NPFFR2: variants seen among roughly 807,000 people sequenced by gnomAD.
The protein encoded by NPFFR2 is G-protein coupled receptor 74.
A neutral mutation model predicts 13.1 loss-of-function variants in NPFFR2; 15 were observed. The observed-to-expected ratio is 1.15, with a 90% confidence interval of 0.77 to 1.76. The LOEUF (loss-of-function observed/expected upper bound fraction) is 1.76, where lower values mean the gene tolerates loss of function less well. Ranked by LOEUF, NPFFR2 falls within the 40% of genes most tolerant of loss-of-function variation. The pLI, the probability that NPFFR2 is intolerant of heterozygous loss-of-function variation, is 0.00. For synonymous variants in NPFFR2, 190 were observed against 175.7 expected, an observed-to-expected ratio of 1.08 and a Z score of -0.65; for missense variants, 572 against 503.5, an observed-to-expected ratio of 1.14 and a Z score of -1.30.
intron 1 of NPFFR2, among the ~76,000 whole-genome samples, chr4:72,114,614 G>T (rs1273176102): frequency 1.3e-5 from 2 of 151,808 alleles, no homozygotes; most frequent in Admixed American, 6.6e-5. Flanking sequence ...GCTGTAAAAA[G>T]ATTCAAGCAA....
At chr4:72,115,501 G>A (rs181259846) in intron 1 of NPFFR2, among the ~76,000 whole-genome samples, 1 of 152,138 alleles carries the variant, frequency 6.6e-6, no homozygotes, top group Admixed American at 6.6e-5. Flanking sequence ...CCAAGTCTGA[G>A]CATGTGTGTC....
Position 72,138,147 on chromosome 4 carries a change from T to C in NPFFR2, c.428+8T>C. The C allele has an allele frequency of 6.3e-7, 1 of 1,599,298 alleles. No homozygotes were observed. Among genetic ancestry groups the C allele is most frequent in the Non-Finnish European group, 8.6e-7 (1 of 1,167,918 alleles). ...TGCAATTGCTGTAGATAGGTAAGTC[T>C]GCACCAAACTCTGAATCCAGAAAAA... On this transcript the variant is annotated splice_region_variant and intron_variant, in intron 3 of 3. Coordinates refer to ENST00000308744, the MANE Select transcript of NPFFR2 (RefSeq NM_004885.3).
rs187219002 is a variant in NPFFR2 at position 72,121,275 on chromosome 4, C to T, written c.-7-7310C>T. On this transcript the variant is annotated intron_variant, in intron 1 of 3. Coordinates refer to ENST00000308744, the MANE Select transcript of NPFFR2 (RefSeq NM_004885.3). ...GTGAAAAGACCAAACCTTTGTTTGA[C>T]TGGTGTACCTGAAAGTGACAGGGAG... is the stretch of plus-strand genomic sequence containing the variant. Among the ~76,000 whole-genome samples, 563 of 152,210 alleles carry T rather than the reference C, an allele frequency of 3.7e-3. 3 individuals are homozygous for T. The highest frequency in any genetic ancestry group is 0.013 in the African/African-American group (545 of 41,530).
intron 2 of NPFFR2, among the ~76,000 whole-genome samples, chr4:72,136,506 G>C (rs548585559): frequency 6.6e-6 from 1 of 152,274 alleles, no homozygotes; most frequent in East Asian, 1.9e-4. Flanking sequence ...TGGAGGATAA[G>C]GTTAGGACTA....
intron 1 of NPFFR2, among the ~76,000 whole-genome samples, chr4:72,110,659 G>A (rs183947665): frequency 8.5e-4 from 129 of 152,068 alleles, no homozygotes; most frequent in African/African-American, 3.1e-3. Context: ...CTTTTAAATG[G>A]TTTATTAGGA....
At chr4:72,047,731 T>G (rs1560393823) in intron 1 of NPFFR2, among the ~76,000 whole-genome samples, 1 of 152,292 alleles carries the variant, frequency 6.6e-6, no homozygotes, top group Admixed American at 6.5e-5. Flanking sequence ...TGAATAAAAA[T>G]TATAGAAATA....
chr4:72,063,262 T>G (rs1403525061), intron 1 of NPFFR2, among the ~76,000 whole-genome samples: 1 of 152,194 alleles, frequency 6.6e-6, no homozygotes, highest in African/African-American at 2.4e-5. Flanking sequence ...CTAAAGAATT[T>G]ATTCATTGGC....
chr4:72,059,589 A>G (rs1469171916), intron 1 of NPFFR2, among the ~76,000 whole-genome samples: 1 of 152,082 alleles, frequency 6.6e-6, no homozygotes, highest in African/African-American at 2.4e-5. Flanking sequence ...CCAGTGATAT[A>G]GTAATTGCTT....
At chr4:72,099,289 TA>T (rs144806268) in intron 1 of NPFFR2, among the ~76,000 whole-genome samples, 9 of 152,120 alleles carry the variant, frequency 5.9e-5, no homozygotes, top group African/African-American at 1.9e-4. Context: ...ATGGATCTGG[TA>T]AAAAATTGAT....
chr4:72,042,042 A>G (rs1719235565), intron 1 of NPFFR2, among the ~76,000 whole-genome samples: 1 of 152,106 alleles, frequency 6.6e-6, no homozygotes, highest in Non-Finnish European at 1.5e-5. Context: ...TTTGAGGTTT[A>G]TAAATTCTTT....
intron 1 of NPFFR2, among the ~76,000 whole-genome samples, chr4:72,039,778 A>G (rs2109754124): frequency 6.6e-6 from 1 of 152,328 alleles, no homozygotes; most frequent in East Asian, 1.9e-4. Context: ...TAAAGAGCAA[A>G]GCTATTTTTC....
At chr4:72,093,377 TCTAG>T (rs1227299603) in intron 1 of NPFFR2, among the ~76,000 whole-genome samples, 1 of 152,214 alleles carries the variant, frequency 6.6e-6, no homozygotes, top group Non-Finnish European at 1.5e-5. Context: ...TGTCTAGATC[TCTAG>T]CAAGGCCAGG....
chr4:72,055,497 A>G (rs951149034), intron 1 of NPFFR2, among the ~76,000 whole-genome samples: 1 of 151,910 alleles, frequency 6.6e-6, no homozygotes, highest in Admixed American at 6.6e-5. Context: ...GAGGCTTCCT[A>G]TTATATGAGA....
At chr4:72,143,650 A>T (rs577934532) in intron 3 of NPFFR2, among the ~76,000 whole-genome samples, 2 of 152,328 alleles carry the variant, frequency 1.3e-5, no homozygotes, top group Non-Finnish European at 2.9e-5. Flanking sequence ...TCGATAGATT[A>T]AATTAGCCAT....
intron 3 of NPFFR2, among the ~76,000 whole-genome samples, chr4:72,145,672 C>T (rs2109850683): frequency 6.6e-6 from 1 of 152,200 alleles, no homozygotes; most frequent in Admixed American, 6.5e-5. Flanking sequence ...GACAACAGAG[C>T]AGTCAAAGCC....
chr4:72,066,788 G>C (rs1204479490), intron 1 of NPFFR2, among the ~76,000 whole-genome samples: 1 of 152,134 alleles, frequency 6.6e-6, no homozygotes, highest in Non-Finnish European at 1.5e-5. Context: ...CAAGGGTTAG[G>C]TCCCCAAGGC....
intron 1 of NPFFR2, among the ~76,000 whole-genome samples, chr4:72,124,851 C>A (rs574953104): frequency 6.6e-5 from 10 of 152,248 alleles, no homozygotes; most frequent in African/African-American, 2.2e-4. Flanking sequence ...CCATTCAGGA[C>A]ATAGGCATGG....
At chr4:72,069,041 A>G (rs1560401038) in intron 1 of NPFFR2, 6 of 898,574 alleles carry the variant, frequency 6.7e-6, no homozygotes, top group Non-Finnish European at 9.5e-6. Flanking sequence ...TTCTAATATT[A>G]TTTTGATCTT....
chr4:72,120,180 G>A (rs1721827873), intron 1 of NPFFR2, among the ~76,000 whole-genome samples: 1 of 152,156 alleles, frequency 6.6e-6, no homozygotes, highest in Non-Finnish European at 1.5e-5. Context: ...CAAACTGGGT[G>A]GCAAAGCCAC....
Sources: allele counts gnomAD v4.1 joint callset (sites outside exome capture counted in the v4.1 genomes callset), GRCh38; gene constraint gnomAD v4.1.1; transcripts MANE v1.5; gene names NCBI Gene and HGNC (gene_info 2026-07-23, HGNC 2026-07-21).